The following PUM2 variants were observed in gnomAD, a reference collection of about 807,000 sequenced individuals.
PUM2 encodes pumilio RNA binding family member 2, also known as pumilio homolog 2.
Under a neutral mutation model 124.5 loss-of-function variants are expected in PUM2, and 57 were observed. The ratio of observed to expected loss-of-function variants is 0.46; its 90% CI spans 0.37 to 0.57. The LOEUF (loss-of-function observed/expected upper bound fraction) is 0.57. Ranked by LOEUF, PUM2 falls within the 20% of genes least tolerant of loss-of-function variation. The pLI is 0.00. For synonymous variants in PUM2, 460 were observed against 446.1 expected (o/e 1.03, Z -0.39); for missense variants, 1,065 against 1,290.6 (o/e 0.83, Z 2.68).
chr2:20,332,329 G>A (rs1039481978), intron 1 of PUM2, among the ~76,000 whole-genome samples: 2 of 146,192 alleles, frequency 1.4e-5, no homozygotes, highest in Admixed American at 6.8e-5. Context: ...GTGTTTAAAC[G>A]AATGGGGGTT....
intron 2 of PUM2, among the ~76,000 whole-genome samples, chr2:20,324,348 T>C (rs189624922): frequency 1.2e-4 from 19 of 152,298 alleles, no homozygotes; most frequent in Non-Finnish European, 2.1e-4. Context: ...TTTCTTTATA[T>C]ATTATTGTGT....
chr2:20,304,988 C>T (rs1370576989), intron 7 of PUM2, among the ~76,000 whole-genome samples: 1 of 151,970 alleles, frequency 6.6e-6, no homozygotes, highest in Non-Finnish European at 1.5e-5. Flanking sequence ...AAGAGGTGAC[C>T]AGGCAAATTT....
At position 20,254,030 on chromosome 2, in the gene PUM2, G is replaced by A; in HGVS notation, c.2871-16C>T. 1 of 1,583,452 alleles carries A rather than the reference G, an allele frequency of 6.3e-7. No homozygotes were observed. Among genetic ancestry groups the A allele is most frequent in the Non-Finnish European group, 8.6e-7 (1 of 1,165,004 alleles). ...TACTACATTGCTAAAAATTAAAGCA[G>A]ATAAACAAAGATTTGTTATTTTTTT... On this transcript the variant is annotated splice_polypyrimidine_tract_variant and intron_variant, in intron 19 of 20. Coordinates refer to ENST00000361078, the MANE Select transcript of PUM2 (RefSeq NM_015317.5).
intron 1 of PUM2, among the ~76,000 whole-genome samples, chr2:20,339,345 G>GAA (rs911110740): frequency 8.5e-6 from 1 of 118,218 alleles, no homozygotes; most frequent in Non-Finnish European, 1.8e-5. Context: ...CATCTCAAGA[G>GAA]AAAAAAAAAA....
chr2:20,350,948 G>A, upstream of PUM2: 1 of 239,262 alleles, frequency 4.2e-6, no homozygotes, highest in Non-Finnish European at 6.8e-6. Flanking sequence ...CTGCTCCCGC[G>A]CTGCCGCCGC....
intron 1 of PUM2, among the ~76,000 whole-genome samples, chr2:20,342,597 G>C (rs1032062847): frequency 6.6e-6 from 1 of 152,070 alleles, no homozygotes; most frequent in Non-Finnish European, 1.5e-5. Context: ...CATAAGACTG[G>C]GTAGAATAGA....
chr2:20,340,881 G>C (rs898274249), intron 1 of PUM2, among the ~76,000 whole-genome samples: 1 of 152,192 alleles, frequency 6.6e-6, no homozygotes, highest in African/African-American at 2.4e-5. Context: ...TTGTCCATTT[G>C]CAAATGGAAA....
intron 16 of PUM2, 142 bp from the exon 17 acceptor site, chr2:20,256,312 A>C: frequency 1.3e-6 from 1 of 766,266 alleles, no homozygotes; most frequent in East Asian, 3.4e-5. Context: ...GGGAACACAA[A>C]TATATTCACA....
chr2:20,251,537 A>T lies in PUM2; in HGVS notation c.*48T>A. 6.4e-7 allele frequency: 1 copy of T among 1,555,010 alleles called. No homozygotes were observed. Among genetic ancestry groups the T allele is most frequent in the Admixed American group, 1.9e-5 (1 of 53,404 alleles). On this transcript the variant is annotated 3_prime_UTR_variant, in exon 21 of 21. Coordinates refer to ENST00000361078, the MANE Select transcript of PUM2 (RefSeq NM_015317.5). ...TGTTTTGATAATTCACACACAAAAAAATTCTTTTCACATGGTTAAATTATC... is the reference window on the plus strand; with the variant it reads ...TGTTTTGATAATTCACACACAAAAATATTCTTTTCACATGGTTAAATTATC...
At chr2:20,336,980 A>C (rs1558676807) in intron 1 of PUM2, among the ~76,000 whole-genome samples, 1 of 152,248 alleles carries the variant, frequency 6.6e-6, no homozygotes, top group Non-Finnish European at 1.5e-5. Flanking sequence ...ATAGTGGAGT[A>C]AGACATTATA....
At chr2:20,296,780 ACT>A (rs1675705580) in intron 8 of PUM2, among the ~76,000 whole-genome samples, 1 of 151,978 alleles carries the variant, frequency 6.6e-6, no homozygotes, top group Non-Finnish European at 1.5e-5. Context: ...CCTAAAACAA[ACT>A]CTTCCCAAGA....
At chr2:20,334,031 T>G (rs998768791) in intron 1 of PUM2, among the ~76,000 whole-genome samples, 1 of 152,176 alleles carries the variant, frequency 6.6e-6, no homozygotes. Flanking sequence ...TCCCCAGAAG[T>G]AGAAGCCACT....
intron 7 of PUM2, among the ~76,000 whole-genome samples, chr2:20,307,061 C>T (rs1191514083): frequency 1.3e-5 from 2 of 151,872 alleles, no homozygotes; most frequent in African/African-American, 2.4e-5. Context: ...ACTAAAAATA[C>T]AAAAATTAGC....
intron 5 of PUM2, among the ~76,000 whole-genome samples, chr2:20,308,796 A>AT (rs1425799960): frequency 6.6e-6 from 1 of 152,142 alleles, no homozygotes; most frequent in Non-Finnish European, 1.5e-5. Flanking sequence ...AATATTATTA[A>AT]TGATTACTCC....
chr2:20,261,698 T>C (rs1666326676), intron 14 of PUM2, among the ~76,000 whole-genome samples: 1 of 152,140 alleles, frequency 6.6e-6, no homozygotes, highest in Admixed American at 6.5e-5. Flanking sequence ...CTTTACACTG[T>C]ATAGGCTAAT....
intron 13 of PUM2, among the ~76,000 whole-genome samples, chr2:20,272,356 G>T (rs1305898738): frequency 6.6e-6 from 1 of 152,182 alleles, no homozygotes. Flanking sequence ...ATATGTGTAT[G>T]TGTGGTGTGA....
chr2:20,270,480 T>C (rs1393056871), intron 13 of PUM2, among the ~76,000 whole-genome samples: 1 of 152,186 alleles, frequency 6.6e-6, no homozygotes, highest in Non-Finnish European at 1.5e-5. Flanking sequence ...GGTACATTTA[T>C]TGTCTCTCTT....
chr2:20,277,383 C>T, intron 13 of PUM2, among the ~76,000 whole-genome samples: 1 of 152,068 alleles, frequency 6.6e-6, no homozygotes, highest in East Asian at 1.9e-4. Context: ...TAAATCTACA[C>T]ATCTAGTACT....
intron 13 of PUM2, 88 bp from the exon 14 acceptor site, chr2:20,263,548 A>C: frequency 7.1e-7 from 1 of 1,414,352 alleles, no homozygotes; most frequent in Non-Finnish European, 9.6e-7. Context: ...TCAGTCAATA[A>C]AGAAATATTT....
Sources: allele counts gnomAD v4.1 joint callset (sites outside exome capture counted in the v4.1 genomes callset), GRCh38; gene constraint gnomAD v4.1.1; transcripts MANE v1.5; gene names NCBI Gene and HGNC (gene_info 2026-07-23, HGNC 2026-07-21).